Variants in DAB1 observed in about 807,000 individuals in gnomAD.
The protein encoded by DAB1 is DAB adaptor protein 1, also known as disabled homolog 1.
DAB1 carries 15 observed loss-of-function variants against 64.6 expected under a neutral mutation model. The observed-to-expected ratio is 0.23, with a 90% CI of 0.16 to 0.36. The LOEUF (loss-of-function observed/expected upper bound fraction) is 0.36, where lower values mean the gene tolerates loss of function less well. Ranked by LOEUF, DAB1 falls within the 10% of genes least tolerant of loss-of-function variation. DAB1 has a pLI of 1.00. For missense variants in DAB1, 596 were observed against 706.7 expected, an observed-to-expected ratio of 0.84 and a Z score of 1.78; for synonymous variants, 235 against 251.9, an observed-to-expected ratio of 0.93 and a Z score of 0.64.
chr1:58,545,341 T>C (rs1256800172), intron 1 of DAB1, among the ~76,000 whole-genome samples: 1 of 152,220 alleles, frequency 6.6e-6, no homozygotes, highest in Non-Finnish European at 1.5e-5. Context: ...GCATATATAA[T>C]TAAAACCATT....
intron 5 of DAB1, among the ~76,000 whole-genome samples, chr1:58,046,741 C>T (rs904100259): frequency 1.3e-5 from 2 of 152,146 alleles, no homozygotes; most frequent in South Asian, 4.1e-4. Flanking sequence ...TTGTGTGGTG[C>T]AGTAAACAAA....
At chr1:57,127,136 A>C (rs1356372840) in intron 4 of DAB1, among the ~76,000 whole-genome samples, 1 of 152,246 alleles carries the variant, frequency 6.6e-6, no homozygotes, top group Non-Finnish European at 1.5e-5. Context: ...TAACCACGGC[A>C]CAGTCATGGA....
At chr1:57,930,851 T>G (rs1006910682) in intron 5 of DAB1, among the ~76,000 whole-genome samples, 3 of 152,302 alleles carry the variant, frequency 2.0e-5, no homozygotes, top group South Asian at 4.1e-4. Flanking sequence ...CCTTTTGTTC[T>G]TTCTTTTCTT....
At chr1:57,167,794 G>T (rs1661344701) in intron 2 of DAB1, among the ~76,000 whole-genome samples, 1 of 152,108 alleles carries the variant, frequency 6.6e-6, no homozygotes, top group Non-Finnish European at 1.5e-5. Flanking sequence ...ACTCATTTGT[G>T]GCAACATTAG....
chr1:57,254,425 T>A (rs1033109892), intron 2 of DAB1, among the ~76,000 whole-genome samples: 1 of 152,254 alleles, frequency 6.6e-6, no homozygotes, highest in Non-Finnish European at 1.5e-5. Flanking sequence ...CAGCTATTTT[T>A]AAATAATCCT....
chr1:57,634,597 G>A (rs1646029426), intron 7 of DAB1, among the ~76,000 whole-genome samples: 1 of 152,146 alleles, frequency 6.6e-6, no homozygotes, highest in Admixed American at 6.5e-5. Flanking sequence ...CCCTCTTCCA[G>A]ATTTGGTTCG....
chr1:58,460,198 T>C (rs72669876), intron 3 of DAB1, among the ~76,000 whole-genome samples: 7,327 of 152,186 alleles, frequency 0.048, 228 homozygotes, highest in East Asian at 0.11. Context: ...ATATATACCA[T>C]TTTACTATCC....
intron 4 of DAB1, among the ~76,000 whole-genome samples, chr1:58,316,995 C>A (rs1178972997): frequency 6.6e-6 from 1 of 152,186 alleles, no homozygotes. Context: ...TTACAATGAT[C>A]CATAACCAAT....
At chr1:57,230,044 T>C (rs761459229) in intron 2 of DAB1, among the ~76,000 whole-genome samples, 1 of 152,240 alleles carries the variant, frequency 6.6e-6, no homozygotes, top group African/African-American at 2.4e-5. Flanking sequence ...TCAGAACCCA[T>C]GAAAAATATA....
chr1:57,987,282 T>A (rs947171511), intron 5 of DAB1, among the ~76,000 whole-genome samples: 6 of 152,124 alleles, frequency 3.9e-5, no homozygotes, highest in Admixed American at 3.9e-4. Flanking sequence ...CATAGACACA[T>A]CCGGGTTCTA....
intron 4 of DAB1, among the ~76,000 whole-genome samples, chr1:58,207,852 T>C (rs1407758653): frequency 6.6e-6 from 1 of 152,192 alleles, no homozygotes; most frequent in Non-Finnish European, 1.5e-5. Context: ...AGTAAGTAGT[T>C]GTATTAGTTT....
At chr1:58,478,235 C>T (rs978885821) in intron 3 of DAB1, among the ~76,000 whole-genome samples, 4 of 152,138 alleles carry the variant, frequency 2.6e-5, no homozygotes, top group Non-Finnish European at 4.4e-5. Flanking sequence ...CCTGCCACCA[C>T]GTGAGACATG....
chr1:58,384,131 T>C (rs1644413438), intron 3 of DAB1, among the ~76,000 whole-genome samples: 1 of 152,150 alleles, frequency 6.6e-6, no homozygotes, highest in Non-Finnish European at 1.5e-5. Flanking sequence ...TGCCTTTCTC[T>C]AATGATTATC....
intron 7 of DAB1, among the ~76,000 whole-genome samples, chr1:57,550,762 G>A (rs1644905059): frequency 1.3e-5 from 2 of 152,130 alleles, no homozygotes; most frequent in African/African-American, 4.8e-5. Flanking sequence ...GTACTTTTTT[G>A]TTAAATAAAG....
At chr1:58,508,142 G>C (rs1003055586) in intron 2 of DAB1, among the ~76,000 whole-genome samples, 1 of 152,066 alleles carries the variant, frequency 6.6e-6, no homozygotes, top group Non-Finnish European at 1.5e-5. Context: ...CTACAGACTA[G>C]AAAGTATTCC....
At chr1:58,090,519 T>C (rs562080795) in intron 5 of DAB1, among the ~76,000 whole-genome samples, 1 of 152,342 alleles carries the variant, frequency 6.6e-6, no homozygotes, top group East Asian at 1.9e-4. Context: ...GGGGTTTACA[T>C]TTAGTCGTTG....
chr1:58,296,197 G>A (rs79346901), intron 4 of DAB1, among the ~76,000 whole-genome samples: 222 of 43,614 alleles, frequency 5.1e-3, no homozygotes, highest in African/African-American at 0.012. Flanking sequence ...GAAAGAAAGA[G>A]AAAGAAAGAA....
intron 3 of DAB1, among the ~76,000 whole-genome samples, chr1:58,444,224 T>A (rs1277543514): frequency 6.6e-6 from 1 of 152,238 alleles, no homozygotes; most frequent in Non-Finnish European, 1.5e-5. Flanking sequence ...ACTGTCATAC[T>A]ATGCTAGAGA....
At chr1:57,789,052 G>A (rs1403730284) in intron 6 of DAB1, among the ~76,000 whole-genome samples, 1 of 152,126 alleles carries the variant, frequency 6.6e-6, no homozygotes, top group African/African-American at 2.4e-5. Flanking sequence ...GGAGAAGAGG[G>A]CTGAGGAGGA....
Sources: gnomAD v4.1 joint callset for allele counts (sites outside exome capture counted in the v4.1 genomes callset) on GRCh38, gnomAD v4.1.1 for gene constraint, MANE v1.5 for transcripts, NCBI Gene and HGNC (gene_info 2026-07-23, HGNC 2026-07-21) for gene names.